The following ASIP variants were observed in gnomAD, a reference collection of about 807,000 sequenced individuals.
The protein encoded by ASIP is agouti-signaling protein.
In ASIP, 11 loss-of-function variants were observed where a neutral mutation model predicts 10.3. The ratio of observed to expected loss-of-function variants is 1.07; its 90% CI spans 0.68 to 1.78. ASIP has a LOEUF of 1.78. Ranked by LOEUF, ASIP falls within the 40% of genes most tolerant of loss-of-function variation. The pLI is 0.00. For synonymous variants in ASIP, 70 were observed against 70.8 expected (o/e 0.99, Z 0.06); for missense variants, 180 against 169.2 (o/e 1.06, Z -0.35).
chr20:34,211,008 T>A (rs2034971086), intron 1 of ASIP, among the ~76,000 whole-genome samples: 1 of 152,146 alleles, frequency 6.6e-6, no homozygotes, highest in Non-Finnish European at 1.5e-5. Context: ...GATATGTAAT[T>A]TTTCTCTTGT....
intron 1 of ASIP, chr20:34,214,606 T>G: frequency 7.8e-7 from 1 of 1,289,726 alleles, no homozygotes; most frequent in East Asian, 2.3e-5. Context: ...CAGTAGTAAC[T>G]CTCGTGAAAC....
At chr20:34,191,427 C>T (rs60011764), upstream of ASIP, among the ~76,000 whole-genome samples, 548 of 152,258 alleles carry the variant, frequency 3.6e-3, 29 homozygotes, top group East Asian at 0.09. Context: ...TCCCTGAGCA[C>T]ACTGTCATCC....
At chr20:34,251,815 C>G (rs2035481489) in intron 1 of ASIP, among the ~76,000 whole-genome samples, 1 of 152,108 alleles carries the variant, frequency 6.6e-6, no homozygotes, top group Admixed American at 6.5e-5. Context: ...AGCCCTTCCA[C>G]CTTGTGAGAT....
intron 1 of ASIP, chr20:34,215,411 T>A: frequency 1.3e-6 from 2 of 1,546,916 alleles, no homozygotes; most frequent in Non-Finnish European, 1.8e-6. Context: ...TCCTCTGATG[T>A]ATGCACCACA....
rs575840483 is a variant in ASIP, at chr20:34,247,492, G to T, written c.-11+6003G>T. Among the ~76,000 whole-genome samples the T allele has an allele frequency of 7.2e-4, 109 of 151,334 alleles. 1 individual carries two copies. In the Middle Eastern group the frequency reaches 0.035, roughly 49 times the overall value. On this transcript the variant is annotated intron_variant, in intron 1 of 3. Transcript: ENST00000374954. ...ATTTTTGTATTTTTGTAGAGACGAG[G>T]TTTCATCATGTTAGTCAGGCTGTCT... is the stretch of plus-strand genomic sequence containing the variant.
the ASIP span, among the ~76,000 whole-genome samples, chr20:34,189,187 C>G: frequency 6.6e-6 from 1 of 152,150 alleles, no homozygotes; most frequent in East Asian, 1.9e-4. Context: ...AGCAGAGCCA[C>G]GGTCTGGTGC....
At chr20:34,204,571 CAAT>C (rs1345641299) in intron 1 of ASIP, among the ~76,000 whole-genome samples, 1 of 152,010 alleles carries the variant, frequency 6.6e-6, no homozygotes, top group Non-Finnish European at 1.5e-5. Flanking sequence ...ACCTTAAGAA[CAAT>C]GATGAATAAA....
the ASIP span, among the ~76,000 whole-genome samples, chr20:34,188,394 G>A: frequency 5.9e-5 from 9 of 152,280 alleles, no homozygotes; most frequent in Non-Finnish European, 1.0e-4. Context: ...ACAAGCATAA[G>A]ATTATCACAT....
intron 1 of ASIP, among the ~76,000 whole-genome samples, chr20:34,223,272 G>A: frequency 6.9e-6 from 1 of 144,896 alleles, no homozygotes; most frequent in African/African-American, 2.6e-5. Flanking sequence ...GAGCGCCTCT[G>A]CCCTGCCGCC....
At chr20:34,215,677 G>C in intron 1 of ASIP, 1 of 1,450,568 alleles carries the variant, frequency 6.9e-7, no homozygotes, top group Non-Finnish European at 9.7e-7. Context: ...GTTGAACAGT[G>C]GTTAGTTCTG....
At chr20:34,198,904 C>T (rs1273218601) in intron 1 of ASIP, among the ~76,000 whole-genome samples, 4 of 152,102 alleles carry the variant, frequency 2.6e-5, no homozygotes, top group Non-Finnish European at 5.9e-5. Flanking sequence ...AGAGCATTAC[C>T]AGCACCCAGA....
chr20:34,226,816 T>C (rs1333425719), intron 1 of ASIP, among the ~76,000 whole-genome samples: 1 of 152,170 alleles, frequency 6.6e-6, no homozygotes, highest in Non-Finnish European at 1.5e-5. Context: ...CTTGAACTCC[T>C]GGCCTCAAGT....
chr20:34,189,495 G>A, the ASIP span, among the ~76,000 whole-genome samples: 2 of 152,012 alleles, frequency 1.3e-5, no homozygotes, highest in Non-Finnish European at 2.9e-5. Context: ...GCCCACCTCG[G>A]CCACCCAAAG....
intron 1 of ASIP, chr20:34,246,210 G>A: frequency 6.9e-7 from 1 of 1,447,692 alleles, no homozygotes; most frequent in Non-Finnish European, 9.4e-7. Flanking sequence ...AGCTTTTGTG[G>A]TATGGTCTTC....
In ASIP at chr20:34,260,331, C is replaced by G. The variant is rs778034685; in HGVS notation, c.-10-34C>G. 10 of 1,592,068 alleles carry G rather than the reference C, an allele frequency of 6.3e-6. 1 individual carries two copies. The highest frequency in any genetic ancestry group is 5.7e-5 in the South Asian group (5 of 88,242). On this transcript the variant is annotated intron_variant, in intron 1 of 3. Transcript: ENST00000374954. ...AAGGCCTCTTACCATTACCCCTGACCCACCCACCTGACCACCTTCTCTGTC... is the reference window on the plus strand; with the variant it reads ...AAGGCCTCTTACCATTACCCCTGACGCACCCACCTGACCACCTTCTCTGTC...
intron 1 of ASIP, among the ~76,000 whole-genome samples, chr20:34,219,046 A>G (rs952603696): frequency 6.6e-6 from 1 of 152,202 alleles, no homozygotes; most frequent in South Asian, 2.1e-4. Flanking sequence ...TCTTGTATAC[A>G]GATGTACACT....
intron 1 of ASIP, among the ~76,000 whole-genome samples, chr20:34,204,959 T>C (rs1019901751): frequency 7.9e-5 from 12 of 152,250 alleles, no homozygotes; most frequent in African/African-American, 2.7e-4. Flanking sequence ...ATTTATCATT[T>C]ATTTGTGTTG....
At chr20:34,198,967 C>T (rs1431198784) in intron 1 of ASIP, among the ~76,000 whole-genome samples, 2 of 152,128 alleles carry the variant, frequency 1.3e-5, no homozygotes, top group African/African-American at 2.4e-5. Flanking sequence ...TTAGTCACTA[C>T]CCTGACTTCT....
chr20:34,198,238 T>C (rs1386167797), intron 1 of ASIP, among the ~76,000 whole-genome samples: 1 of 151,936 alleles, frequency 6.6e-6, no homozygotes, highest in Non-Finnish European at 1.5e-5. Context: ...TACAGCTACA[T>C]GCCACCACAC....
Sources: allele counts gnomAD v4.1 joint callset (sites outside exome capture counted in the v4.1 genomes callset), GRCh38; gene constraint gnomAD v4.1.1; transcripts MANE v1.5; gene names NCBI Gene and HGNC (gene_info 2026-07-23, HGNC 2026-07-21).